The following DIP2C variants were observed in gnomAD, a reference collection of about 807,000 sequenced individuals.
DIP2C encodes the protein DIP2 acetate--CoA ligase C (putative).
A neutral mutation model predicts 192.4 loss-of-function variants in DIP2C; 33 were observed. The observed-to-expected ratio is 0.17, with a 90% CI of 0.13 to 0.23. The LOEUF (loss-of-function observed/expected upper bound fraction) is 0.23. Among genes scored for constraint, DIP2C ranks in the 10% least tolerant of loss-of-function variants. DIP2C has a pLI of 1.00. For missense variants in DIP2C, 1,537 were observed against 2,110.1 expected, an observed-to-expected ratio of 0.73 and a Z score of 5.32; for synonymous variants, 979 against 864.1, an observed-to-expected ratio of 1.13 and a Z score of -2.33.
chr10:655,933 C>T (rs1856269466), intron 1 of DIP2C, among the ~76,000 whole-genome samples: 1 of 146,406 alleles, frequency 6.8e-6, no homozygotes, highest in African/African-American at 2.6e-5. Context: ...ATATGTTACA[C>T]TATTTCTTCT....
At chr10:326,755 A>G (rs2132440050) in intron 31 of DIP2C, among the ~76,000 whole-genome samples, 2 of 152,344 alleles carry the variant, frequency 1.3e-5, no homozygotes, top group Middle Eastern at 6.8e-3. Context: ...ACAAACTGCT[A>G]CCCCTGTCAC....
chr10:662,038 TC>T (rs1227268564), intron 1 of DIP2C: 6 of 716,190 alleles, frequency 8.4e-6, no homozygotes, highest in Admixed American at 8.0e-5. Flanking sequence ...GCCTGGCCTG[TC>T]CCCCGTGGCT....
chr10:518,443 GCA>G (rs1846500595), intron 1 of DIP2C, among the ~76,000 whole-genome samples: 1 of 152,216 alleles, frequency 6.6e-6, no homozygotes, highest in South Asian at 2.1e-4. Flanking sequence ...CCCCAGAAAC[GCA>G]CAGGTTGAAA....
In DIP2C at chr10:477,857, G is replaced by C. The variant is rs115980728; in HGVS notation, c.158-5308C>G. Among the ~76,000 whole-genome samples the C allele has an allele frequency of 6.0e-5, 8 of 134,190 alleles. 1 individual carries two copies. The Middle Eastern group carries it at 0.011, about 188-fold the overall frequency. The allele number at this position is 134,190 out of a possible 152,430, so 88.0% of individuals were successfully genotyped here. The stretch of plus-strand genomic sequence containing the variant: ...AAGGGAGAAAGAAAAAAGGAGAAGT[G>C]AAGGAAGCAGAGAGAAGAAAACGAG... On this transcript the variant is annotated intron_variant, in intron 2 of 36. Transcript: ENST00000280886.
intron 1 of DIP2C, among the ~76,000 whole-genome samples, chr10:560,048 C>T (rs1849119802): frequency 6.6e-6 from 1 of 151,862 alleles, no homozygotes; most frequent in Admixed American, 6.6e-5. Flanking sequence ...CCTCTCCCTC[C>T]TGCCCTGTCA....
intron 3 of DIP2C, among the ~76,000 whole-genome samples, chr10:464,302 A>G (rs1970035297): frequency 6.6e-6 from 1 of 152,084 alleles, no homozygotes; most frequent in Non-Finnish European, 1.5e-5. Context: ...TTTACAAGAA[A>G]AAACAACCCC....
chr10:631,378 G>A (rs1249403685), intron 1 of DIP2C: 3 of 152,198 alleles, frequency 2.0e-5, no homozygotes, highest in Non-Finnish European at 4.4e-5. Context: ...CCCCTGGGGG[G>A]TTTACAGTTC....
chr10:676,756 G>A (rs551403184), intron 1 of DIP2C, among the ~76,000 whole-genome samples: 15 of 152,180 alleles, frequency 9.9e-5, no homozygotes, highest in Middle Eastern at 3.4e-3. Flanking sequence ...ACCCTCTGAG[G>A]GTAGAATAGT....
At chr10:356,714 T>C (rs1026608341) in intron 23 of DIP2C, among the ~76,000 whole-genome samples, 4 of 152,214 alleles carry the variant, frequency 2.6e-5, no homozygotes, top group Admixed American at 2.0e-4. Flanking sequence ...CCCACAGCTT[T>C]GTTCCTGCAG....
intron 1 of DIP2C, among the ~76,000 whole-genome samples, chr10:583,320 A>G (rs1244926507): frequency 6.6e-6 from 1 of 152,266 alleles, no homozygotes; most frequent in Non-Finnish European, 1.5e-5. Context: ...ATTATAGGAT[A>G]GCTAGTTGGG....
intron 4 of DIP2C, chr10:430,635 ATTACT>A (rs765242305): frequency 7.2e-5 from 11 of 152,168 alleles, no homozygotes; most frequent in Non-Finnish European, 1.6e-4. Context: ...TTGTATTTTA[ATTACT>A]TTAAGAGTCT....
intron 2 of DIP2C, among the ~76,000 whole-genome samples, chr10:476,743 G>A (rs1179158980): frequency 1.3e-5 from 2 of 152,126 alleles, no homozygotes; most frequent in Admixed American, 1.3e-4. Flanking sequence ...TCTGTTACAA[G>A]AACAAAATCT....
intron 1 of DIP2C, among the ~76,000 whole-genome samples, chr10:512,298 C>T (rs1297489235): frequency 6.6e-6 from 1 of 152,178 alleles, no homozygotes. Flanking sequence ...GGTGCTCACA[C>T]CTGTAATCCC....
intron 4 of DIP2C, among the ~76,000 whole-genome samples, chr10:429,227 TCC>T (rs201237897): frequency 7.7e-4 from 12 of 15,672 alleles, no homozygotes; most frequent in East Asian, 3.1e-3. Flanking sequence ...CCTGGCTGCC[TCC>T]CCCCCGGACC....
intron 1 of DIP2C, among the ~76,000 whole-genome samples, chr10:602,690 C>A (rs568346846): frequency 6.6e-6 from 1 of 152,222 alleles, no homozygotes; most frequent in African/African-American, 2.4e-5. Context: ...AGTCATGTTA[C>A]AACATTAGCC....
intron 3 of DIP2C, among the ~76,000 whole-genome samples, chr10:444,561 C>T (rs1388271966): frequency 1.3e-5 from 2 of 151,612 alleles, no homozygotes; most frequent in South Asian, 2.1e-4. Context: ...GATTCTCCAC[C>T]GTCACATGGA....
chr10:579,927 G>A lies in DIP2C; in HGVS notation c.86-93397C>T, dbSNP rs559907082. The stretch of plus-strand genomic sequence containing the variant: ...TCTATATGCATACAATGTACATATA[G>A]GTACACTATAACATGTATGTACATG... On this transcript the variant is annotated intron_variant, in intron 1 of 36. Transcript: ENST00000280886. Among the ~76,000 whole-genome samples, 8 of 151,586 alleles carry A rather than the reference G, an allele frequency of 5.3e-5. No homozygotes were observed. In the South Asian group the frequency reaches 1.0e-3, roughly 20 times the overall value.
intron 3 of DIP2C, among the ~76,000 whole-genome samples, chr10:454,106 G>A (rs1188988147): frequency 1.3e-5 from 2 of 152,234 alleles, no homozygotes; most frequent in Admixed American, 6.5e-5. Flanking sequence ...TGCATTTGGT[G>A]ACTCCAAAAG....
At chr10:409,836 G>C (rs865873784) in intron 8 of DIP2C, among the ~76,000 whole-genome samples, 2 of 152,216 alleles carry the variant, frequency 1.3e-5, no homozygotes, top group Admixed American at 6.5e-5. Flanking sequence ...GTAACAGTCT[G>C]AGATCAAATA....
Sources: allele counts gnomAD v4.1 joint callset (sites outside exome capture counted in the v4.1 genomes callset), GRCh38; gene constraint gnomAD v4.1.1; transcripts MANE v1.5; gene names NCBI Gene and HGNC (gene_info 2026-07-23, HGNC 2026-07-21).